Variants in NCEH1 observed in about 807,000 individuals in gnomAD.
NCEH1 encodes the protein 2-acetyl MAGE hydrolase.
Under a neutral mutation model 25.4 loss-of-function variants are expected in NCEH1, and 9 were observed. The ratio of observed to expected loss-of-function variants is 0.35; its 90% confidence interval spans 0.21 to 0.62. The LOEUF (loss-of-function observed/expected upper bound fraction) is 0.62. NCEH1 is among the 20% of genes least tolerant of loss of function. NCEH1 has a pLI of 0.72. For missense variants in NCEH1, 412 were observed against 501.1 expected, an observed-to-expected ratio of 0.82 and a Z score of 1.70; for synonymous variants, 200 against 199.8, an observed-to-expected ratio of 1.00 and a Z score of -0.01.
rs10701435 is a variant in NCEH1, at chr3:172,701,449, C to CTTTTTTTTTTTTTTTTT, written c.138+9381_138+9397dup. On this transcript the variant is annotated intron_variant, in intron 1 of 4. Coordinates refer to ENST00000475381, the MANE Select transcript of NCEH1 (RefSeq NM_020792.6). ...TAGTGCTTCCTAGATGGTCTTTTGC[C>CTTTTTTTTTTTTTTTTT]TTTTTTTTTTTTTTTTTAAAGACGG... Among the ~76,000 whole-genome samples, 666 of 110,886 alleles carry CTTTTTTTTTTTTTTTTT rather than the reference C, an allele frequency of 6.0e-3. 71 individuals carry two copies. Among genetic ancestry groups the CTTTTTTTTTTTTTTTTT allele is most frequent in the African/African-American group, 0.026 (638 of 24,162 alleles). 72.7% of individuals were successfully genotyped at this position (110,886 alleles called of 152,430 possible). A position where few individuals can be genotyped will look rare whatever the true frequency, so the allele number is the denominator to read the frequency against.
chr3:172,690,445 G>C (rs1447283024), intron 1 of NCEH1, among the ~76,000 whole-genome samples: 1 of 152,166 alleles, frequency 6.6e-6, no homozygotes, highest in Non-Finnish European at 1.5e-5. Flanking sequence ...TTCTGGAAAA[G>C]TGTGTAGCAA....
chr3:172,662,397 G>A (rs537919021), intron 1 of NCEH1, among the ~76,000 whole-genome samples: 2 of 152,138 alleles, frequency 1.3e-5, no homozygotes, highest in Non-Finnish European at 2.9e-5. Flanking sequence ...TTTTTGCATC[G>A]ATGTTCATCA....
intron 1 of NCEH1, among the ~76,000 whole-genome samples, chr3:172,680,535 C>T (rs1712292945): frequency 6.6e-6 from 1 of 152,164 alleles, no homozygotes; most frequent in Non-Finnish European, 1.5e-5. Flanking sequence ...AGTATCCAGG[C>T]ACCCAGGATG....
At chr3:172,703,507 G>C (rs1713811420) in intron 1 of NCEH1, among the ~76,000 whole-genome samples, 2 of 126,082 alleles carry the variant, frequency 1.6e-5, no homozygotes, top group South Asian at 5.0e-4. Flanking sequence ...CCGCCTGAGT[G>C]ACAGAGCAAG....
At chr3:172,701,919 G>T (rs1302743427) in intron 1 of NCEH1, among the ~76,000 whole-genome samples, 1 of 152,030 alleles carries the variant, frequency 6.6e-6, no homozygotes, top group Non-Finnish European at 1.5e-5. Flanking sequence ...CTTCCCTTCT[G>T]CCTCCCTCTC....
At chr3:172,697,970 A>AT (rs386398562) in intron 1 of NCEH1, among the ~76,000 whole-genome samples, 4,380 of 101,044 alleles carry the variant, frequency 0.043, 199 homozygotes, top group African/African-American at 0.1. Context: ...TAAAAGCAGA[A>AT]TTTTTTTTTT....
chr3:172,667,047 T>C (rs573222638), intron 1 of NCEH1, among the ~76,000 whole-genome samples: 3 of 152,296 alleles, frequency 2.0e-5, no homozygotes, highest in African/African-American at 7.2e-5. Context: ...ATAGGACATA[T>C]TGCTGGTCCT....
chr3:172,656,245 G>A (rs9837465), intron 1 of NCEH1, among the ~76,000 whole-genome samples: 1,887 of 152,252 alleles, frequency 0.012, 44 homozygotes, highest in African/African-American at 0.042. Context: ...AGACTTGAAC[G>A]TGCTTCTTGG....
chr3:172,685,754 T>C (rs980569345), intron 1 of NCEH1, among the ~76,000 whole-genome samples: 8 of 152,352 alleles, frequency 5.3e-5, no homozygotes, highest in Admixed American at 2.6e-4. Context: ...GACCTAGAAG[T>C]AGAGCATCAT....
chr3:172,647,887 T>G lies in NCEH1; in HGVS notation c.366A>C (p.Ala122=), dbSNP rs2108496599. Residue 122 remains alanine (A), a splice_region_variant and synonymous_variant, in exon 2 of 5, where the codon GCA becomes GCC. Coordinates refer to ENST00000475381, the MANE Select transcript of NCEH1 (RefSeq NM_020792.6). ...CATCTGAAGGTGACCAGGACGCACT[T>G]GCACTTGCCAAGGCCCAGCCTCCTC... The part of the protein sequence containing the change: ...IHGGGWALAS[A]KIRYYDELCT... 1 of 1,614,126 alleles carries G rather than the reference T, an allele frequency of 6.2e-7. No homozygotes were observed. The highest frequency in any genetic ancestry group is 1.7e-5 in the Admixed American group (1 of 60,012).
chr3:172,671,506 T>TACAC (rs537504265), intron 1 of NCEH1, among the ~76,000 whole-genome samples: 14,832 of 143,130 alleles, frequency 0.1, 801 homozygotes, highest in Admixed American at 0.14. Context: ...CACATACACA[T>TACAC]ACACACACAC....
At chr3:172,651,849 G>A (rs1191420329) in intron 1 of NCEH1, among the ~76,000 whole-genome samples, 3 of 152,106 alleles carry the variant, frequency 2.0e-5, no homozygotes, top group Admixed American at 6.6e-5. Context: ...ATGAGCCACC[G>A]CGCCCGGCCG....
At chr3:172,665,174 G>A (rs1718148803) in intron 1 of NCEH1, among the ~76,000 whole-genome samples, 1 of 152,142 alleles carries the variant, frequency 6.6e-6, no homozygotes, top group Admixed American at 6.5e-5. Context: ...TGATGTTGAT[G>A]CTATTCCTTT....
At chr3:172,699,870 GA>G (rs952879669) in intron 1 of NCEH1, among the ~76,000 whole-genome samples, 2 of 151,874 alleles carry the variant, frequency 1.3e-5, no homozygotes, top group Admixed American at 6.6e-5. Flanking sequence ...TCAAAACAAA[GA>G]AAAAAACACT....
intron 1 of NCEH1, among the ~76,000 whole-genome samples, chr3:172,657,662 A>T (rs2108503651): frequency 6.6e-6 from 1 of 152,348 alleles, no homozygotes; most frequent in South Asian, 2.1e-4. Context: ...AAGGCTGATC[A>T]CATTACCTGC....
At chr3:172,687,259 A>C (rs779872551) in intron 1 of NCEH1, among the ~76,000 whole-genome samples, 1 of 152,090 alleles carries the variant, frequency 6.6e-6, no homozygotes, top group Non-Finnish European at 1.5e-5. Context: ...GTACAGCTTC[A>C]ATCTGAACCT....
At chr3:172,671,620 G>C (rs1711632868) in intron 1 of NCEH1, among the ~76,000 whole-genome samples, 3 of 150,930 alleles carry the variant, frequency 2.0e-5, no homozygotes. Context: ...CACATATCAG[G>C]TGTGTATAAA....
chr3:172,631,346 G>A lies in NCEH1; in HGVS notation c.*2129C>T, dbSNP rs909536156. On this transcript the variant is annotated 3_prime_UTR_variant, in exon 5 of 5. Transcript: ENST00000475381. ...GTCAAAAAGAATAGTATTATATGAG[G>A]AGGATAGTTATCACAGAATAAGAAC... 6.6e-6 allele frequency: 1 copy of A among 152,124 alleles called. No homozygotes were observed. Among genetic ancestry groups the A allele is most frequent in the Admixed American group, 6.6e-5 (1 of 15,260 alleles). The allele number at this position is 152,124 out of a possible 1,614,324, so 9.4% of individuals were successfully genotyped here. A position where few individuals can be genotyped will look rare whatever the true frequency, so the allele number is the denominator to read the frequency against.
chr3:172,700,013 A>G (rs1256023440), intron 1 of NCEH1, among the ~76,000 whole-genome samples: 1 of 152,224 alleles, frequency 6.6e-6, no homozygotes, highest in African/African-American at 2.4e-5. Flanking sequence ...AACAATGATA[A>G]CAGACATATA....
Sources: allele counts gnomAD v4.1 joint callset (sites outside exome capture counted in the v4.1 genomes callset), GRCh38; gene constraint gnomAD v4.1.1; transcripts MANE v1.5; gene names NCBI Gene and HGNC (gene_info 2026-07-23, HGNC 2026-07-21).